The following ARGFX variants were observed in gnomAD, a reference collection of about 807,000 sequenced individuals.
The protein encoded by ARGFX is arginine-fifty homeobox.
ARGFX carries 10 observed loss-of-function variants against 8.0 expected under a neutral mutation model. The ratio of observed to expected loss-of-function variants is 1.25; its 90% CI spans 0.77 to 2.12. The LOEUF (loss-of-function observed/expected upper bound fraction) is 2.12, where lower values mean the gene tolerates loss of function less well. Among genes scored for constraint, ARGFX ranks in the 30% most tolerant of loss-of-function variants. The pLI, the probability that ARGFX is intolerant of heterozygous loss-of-function variation, is 0.00. For synonymous variants in ARGFX, 116 were observed against 117.8 expected (o/e 0.98, Z 0.10); for missense variants, 282 against 324.3 (o/e 0.87, Z 1.00).
intron 3 of ARGFX, among the ~76,000 whole-genome samples, chr3:121,583,711 G>A (rs568811857): frequency 4.7e-4 from 72 of 151,826 alleles, no homozygotes; most frequent in Non-Finnish European, 1.0e-4. Context: ...ATTTTTCATA[G>A]AGACAGGGTC....
chr3:121,576,749 C>CTTTTTT, intron 2 of ARGFX, 35 bp from the exon 3 acceptor site: 2 of 187,298 alleles, frequency 1.1e-5, no homozygotes, highest in South Asian at 4.4e-5. Context: ...CTTTCTTTTT[C>CTTTTTT]TCTTTCTTTC....
chr3:121,575,931 G>A (rs2048733390), intron 2 of ARGFX, among the ~76,000 whole-genome samples: 2 of 149,122 alleles, frequency 1.3e-5, no homozygotes, highest in Non-Finnish European at 3.0e-5. Flanking sequence ...AAAAAAAAGT[G>A]TGGTTGAAAA....
chr3:121,583,186 T>A (rs2048790496), intron 3 of ARGFX, among the ~76,000 whole-genome samples: 1 of 151,572 alleles, frequency 6.6e-6, no homozygotes. Flanking sequence ...TGCACCACTA[T>A]GCCTGGCTAA....
At position 121,586,633 on chromosome 3, in the gene ARGFX, A is replaced by T; in HGVS notation, c.*33A>T. ...ACTAATAAATATAGATCATTTAGAA[A>T]AGTGGTCTTCTTGCCTCTTGTACAT... is the stretch of plus-strand genomic sequence containing the variant. On this transcript the variant is annotated 3_prime_UTR_variant, in exon 5 of 5. Coordinates refer to ENST00000334384, the MANE Select transcript of ARGFX (RefSeq NM_001012659.2). 6.5e-7 allele frequency: 1 copy of T among 1,546,446 alleles called. No individual in the cohort carries two copies. Among genetic ancestry groups the T allele is most frequent in the Non-Finnish European group, 8.8e-7 (1 of 1,140,992 alleles).
At chr3:121,577,257 ATATT>A (rs1276830092) in intron 3 of ARGFX, among the ~76,000 whole-genome samples, 27 of 56,400 alleles carry the variant, frequency 4.8e-4, no homozygotes, top group African/African-American at 9.8e-4. Flanking sequence ...ATATATATAT[ATATT>A]TTTTTTTTTT....
rs551610136 is a variant in ARGFX at position 121,589,008 on chromosome 3, T to C, written c.*2408T>C. Among the ~76,000 whole-genome samples, 1 of 152,066 alleles carries C rather than the reference T, an allele frequency of 6.6e-6. No individual in the cohort carries two copies. The highest frequency in any genetic ancestry group is 1.9e-4 in the East Asian group (1 of 5,170). On this transcript the variant is annotated 3_prime_UTR_variant, in exon 5 of 5. Coordinates refer to ENST00000334384, the MANE Select transcript of ARGFX (RefSeq NM_001012659.2). The stretch of plus-strand genomic sequence containing the variant: ...CTGAGCAACATGGCAAAACCCTGTG[T>C]CTACAAAAAATAAAAAATTAGCTGG...
intron 1 of ARGFX, among the ~76,000 whole-genome samples, chr3:121,570,113 T>C (rs1202790702): frequency 6.6e-6 from 1 of 152,276 alleles, no homozygotes; most frequent in Non-Finnish European, 1.5e-5. Flanking sequence ...TTACCATATG[T>C]GTGGCTTTTC....
chr3:121,576,527 C>T (rs2048736911), intron 2 of ARGFX, among the ~76,000 whole-genome samples: 1 of 151,718 alleles, frequency 6.6e-6, no homozygotes, highest in Non-Finnish European at 1.5e-5. Context: ...TTAGTAGAGA[C>T]AGGATTTCAC....
At chr3:121,581,555 C>G (rs1188987262) in intron 3 of ARGFX, among the ~76,000 whole-genome samples, 2 of 152,116 alleles carry the variant, frequency 1.3e-5, no homozygotes, top group African/African-American at 4.8e-5. Flanking sequence ...TCCAAGCATA[C>G]TAGTTTCCCA....
At chr3:121,577,681 C>T (rs1414128998) in intron 3 of ARGFX, among the ~76,000 whole-genome samples, 1 of 152,156 alleles carries the variant, frequency 6.6e-6, no homozygotes, top group African/African-American at 2.4e-5. Flanking sequence ...ATGTGCCACA[C>T]ATTATTGTAG....
rs965496819 is a variant in ARGFX at position 121,576,829 on chromosome 3, C to G, written c.149C>G (p.Ala50Gly). Residue 50 changes from alanine to glycine, a missense_variant, in exon 3 of 5, where the codon GCT becomes GGT. Ala to Gly is a moderately conservative substitution (Grantham distance 60). Transcript: ENST00000334384. ...CTGGAGTGCAGTGGCACGGTCTCGG[C>G]TTACTGCAGCCTCAACCTCCCAGGT... is the stretch of plus-strand genomic sequence containing the variant. Reference protein sequence around the residue: ...SKLECSGTVSAYCSLNLPGST... With the variant: ...SKLECSGTVSGYCSLNLPGST... 6 of 419,198 alleles carry G rather than the reference C, an allele frequency of 1.4e-5. No homozygotes were observed. Among genetic ancestry groups the G allele is most frequent in the Non-Finnish European group, 2.3e-5 (5 of 213,958 alleles). 26.0% of individuals were successfully genotyped at this position (419,198 alleles called of 1,614,324 possible).
In ARGFX at chr3:121,587,190, T is replaced by A. The variant is rs1191802604; in HGVS notation, c.*590T>A. ...TGTCAGCCTCCTGAGTAGCTGGGAT[T>A]ACAGGCGTGTGCCACCATGCCTGGC... On this transcript the variant is annotated 3_prime_UTR_variant, in exon 5 of 5. Coordinates refer to ENST00000334384, the MANE Select transcript of ARGFX (RefSeq NM_001012659.2). Among the ~76,000 whole-genome samples the A allele has an allele frequency of 1.3e-5, 2 of 152,174 alleles. No individual in the cohort carries two copies. Among genetic ancestry groups the A allele is most frequent in the East Asian group, 3.9e-4 (2 of 5,188 alleles).
intron 2 of ARGFX, among the ~76,000 whole-genome samples, chr3:121,572,525 C>T (rs2048715350): frequency 6.6e-6 from 1 of 152,122 alleles, no homozygotes; most frequent in Admixed American, 6.6e-5. Context: ...GGATTACAGG[C>T]ATGAGCCACC....
Position 121,580,606 on chromosome 3 carries a change from A to AT in ARGFX, c.220+3722dup, listed in dbSNP as rs57666199. Among the ~76,000 whole-genome samples the AT allele has an allele frequency of 9.5e-3, 1,097 of 115,206 alleles. 25 individuals are homozygous for AT. The highest frequency in any genetic ancestry group is 0.022 in the African/African-American group (698 of 31,416). The allele number at this position is 115,206 out of a possible 152,430, so 75.6% of individuals were successfully genotyped here. ...TGTGTGTGTGTGTGTATATATATAT[A>AT]TTTTTTTTTTTTTTTTGAGATGAAG... is the stretch of plus-strand genomic sequence containing the variant. On this transcript the variant is annotated intron_variant, in intron 3 of 4. Transcript: ENST00000334384.
intron 2 of ARGFX, among the ~76,000 whole-genome samples, chr3:121,572,397 A>C (rs1336453317): frequency 6.6e-6 from 1 of 151,472 alleles, no homozygotes; most frequent in Non-Finnish European, 1.5e-5. Context: ...AGGCGCTACC[A>C]CACCCGGCTA....
chr3:121,584,211 G>C (rs76681741), intron 3 of ARGFX, among the ~76,000 whole-genome samples: 1,415 of 55,538 alleles, frequency 0.025, 33 homozygotes, highest in Admixed American at 0.052. Context: ...AGAGAGGAAG[G>C]AAGGAAGGAA....
intron 3 of ARGFX, among the ~76,000 whole-genome samples, chr3:121,583,458 A>G (rs937886640): frequency 5.3e-5 from 8 of 151,008 alleles, no homozygotes; most frequent in Non-Finnish European, 4.4e-5. Flanking sequence ...TTATTTTGAG[A>G]CAGGGTCTCA....
chr3:121,586,205 G>C lies in ARGFX; in HGVS notation c.553G>C (p.Asp185His), dbSNP rs1295103401. The change falls in exon 5 of 5, where the codon GAC (aspartate) becomes CAC (histidine). Residue 185 changes from aspartate to histidine, a missense_variant. By Grantham distance (81) the Asp-to-His change is moderately conservative. Coordinates refer to ENST00000334384, the MANE Select transcript of ARGFX (RefSeq NM_001012659.2). ...CAGCTCCCTTCCATCTCAGCCCTTA[G>C]ACCCTTCCAATTGGGCATGGAACTC... ...FYSSLPSQPL[D>H]PSNWAWNSTF... 1 of 1,613,668 alleles carries C rather than the reference G, an allele frequency of 6.2e-7. No individual in the cohort carries two copies. The highest frequency in any genetic ancestry group is 8.5e-7 in the Non-Finnish European group (1 of 1,179,974).
At chr3:121,579,850 A>G (rs1434636059) in intron 3 of ARGFX, among the ~76,000 whole-genome samples, 1 of 151,912 alleles carries the variant, frequency 6.6e-6, no homozygotes, top group East Asian at 1.9e-4. Flanking sequence ...TGGCATCCCA[A>G]AGTGCTGGGA....
Sources: gnomAD v4.1 joint callset for allele counts (sites outside exome capture counted in the v4.1 genomes callset) on GRCh38, gnomAD v4.1.1 for gene constraint, MANE v1.5 for transcripts, NCBI Gene and HGNC (gene_info 2026-07-23, HGNC 2026-07-21) for gene names.